The following LINGO2 variants were observed in gnomAD, a reference collection of about 807,000 sequenced individuals.
The protein encoded by LINGO2 is leucine-rich repeat and immunoglobulin-like domain-containing nogo receptor-interacting protein 2.
LINGO2 carries 14 observed loss-of-function variants against 30.6 expected under a neutral mutation model. The ratio of observed to expected loss-of-function variants is 0.46; its 90% CI spans 0.30 to 0.72. The LOEUF (loss-of-function observed/expected upper bound fraction) is 0.72. Among genes scored for constraint, LINGO2 ranks in the 30% least tolerant of loss-of-function variants. LINGO2 has a pLI of 0.07. For synonymous variants in LINGO2, 317 were observed against 288.5 expected, an observed-to-expected ratio of 1.10 and a Z score of -1.00; for missense variants, 729 against 751.7, an observed-to-expected ratio of 0.97 and a Z score of 0.35.
At chr9:28,656,605 A>G (rs1038360845) in intron 1 of LINGO2, among the ~76,000 whole-genome samples, 2 of 152,146 alleles carry the variant, frequency 1.3e-5, no homozygotes, top group African/African-American at 4.8e-5. Context: ...ATCTTGCATG[A>G]TAAAGAGAGA....
At chr9:29,017,452 T>C in the LINGO2 span, among the ~76,000 whole-genome samples, 7 of 152,040 alleles carry the variant, frequency 4.6e-5, no homozygotes, top group African/African-American at 1.7e-4. Context: ...TGCAAAGAAG[T>C]GTTGTGACAT....
At chr9:29,079,645 C>A in the LINGO2 span, among the ~76,000 whole-genome samples, 2 of 151,852 alleles carry the variant, frequency 1.3e-5, no homozygotes, top group African/African-American at 4.8e-5. Context: ...GAAATCCTTG[C>A]CTTTATCTTA....
At chr9:29,190,700 TA>T in the LINGO2 span, among the ~76,000 whole-genome samples, 2 of 152,162 alleles carry the variant, frequency 1.3e-5, no homozygotes, top group African/African-American at 4.8e-5. Flanking sequence ...ACCATAACCT[TA>T]AAAGTTGTTT....
intron 1 of LINGO2, among the ~76,000 whole-genome samples, chr9:28,646,643 A>G (rs566779469): frequency 1.3e-5 from 2 of 152,170 alleles, no homozygotes; most frequent in South Asian, 2.1e-4. Context: ...AACACTGTTG[A>G]AGGGAGAAGA....
At position 28,436,255 on chromosome 9, in the gene LINGO2, C is replaced by A. The variant is rs754573294; in HGVS notation, c.-279+39685G>T. Among the ~76,000 whole-genome samples the A allele has an allele frequency of 7.2e-4, 109 of 151,996 alleles. 1 individual carries two copies. Among genetic ancestry groups the A allele is most frequent in the Admixed American group, 2.6e-4 (4 of 15,268 alleles). On this transcript the variant is annotated intron_variant, in intron 2 of 5. Transcript: ENST00000379992. ...AAAAATAATTTTGAGATCCTAAGAA[C>A]ATAAAATCTTAATGGAAGATTAGTT...
chr9:28,868,223 T>G, the LINGO2 span, among the ~76,000 whole-genome samples: 1 of 152,146 alleles, frequency 6.6e-6, no homozygotes, highest in East Asian at 1.9e-4. Flanking sequence ...TATGCCTTTC[T>G]GTGAATAAGT....
chr9:28,792,618 C>G, the LINGO2 span, among the ~76,000 whole-genome samples: 2 of 152,052 alleles, frequency 1.3e-5, no homozygotes, highest in African/African-American at 4.8e-5. Context: ...GCAAATTTCC[C>G]TATCATGAAA....
At chr9:28,132,366 A>G (rs1439936179) in intron 4 of LINGO2, among the ~76,000 whole-genome samples, 1 of 151,932 alleles carries the variant, frequency 6.6e-6, no homozygotes, top group Non-Finnish European at 1.5e-5. Flanking sequence ...ATGTCTAGAT[A>G]AAAACCTTTT....
the LINGO2 span, among the ~76,000 whole-genome samples, chr9:28,984,080 C>A: frequency 6.6e-6 from 1 of 152,012 alleles, no homozygotes; most frequent in Non-Finnish European, 1.5e-5. Context: ...ATAATCCCTT[C>A]TTCACTCTCT....
intron 1 of LINGO2, among the ~76,000 whole-genome samples, chr9:28,590,636 A>T (rs1417472399): frequency 6.6e-6 from 1 of 152,100 alleles, no homozygotes; most frequent in Admixed American, 6.5e-5. Flanking sequence ...CAGAATGGCG[A>T]TCATTAAAAA....
the LINGO2 span, among the ~76,000 whole-genome samples, chr9:28,745,011 C>G: frequency 6.6e-6 from 1 of 151,954 alleles, no homozygotes; most frequent in Non-Finnish European, 1.5e-5. Flanking sequence ...CAAGGTTATG[C>G]TTAGGCACCC....
At chr9:29,031,776 C>CT in the LINGO2 span, among the ~76,000 whole-genome samples, 2 of 152,092 alleles carry the variant, frequency 1.3e-5, no homozygotes, top group African/African-American at 4.8e-5. Context: ...GTATGAAACT[C>CT]TAAGTGATAA....
At position 28,189,564 on chromosome 9, in the gene LINGO2, GAA is replaced by G. The variant is rs1587177925; in HGVS notation, c.-87+105642_-87+105643del. On this transcript the variant is annotated intron_variant, in intron 4 of 5. Coordinates refer to ENST00000379992, the Ensembl canonical transcript of LINGO2. ...GGGAGGGAGGAAGGAAGGAAGGGAG[GAA>G]GGAAGGAAGGAAGGGAGGGAGGAAG... 1.8e-4 allele frequency among the ~76,000 whole-genome samples: 8 copies of G among 44,180 alleles called. 2 individuals carry two copies. The highest frequency in any genetic ancestry group is 3.7e-4 in the Admixed American group (2 of 5,420). 29.0% of individuals were successfully genotyped at this position (44,180 alleles called of 152,430 possible). A position where few individuals can be genotyped will look rare whatever the true frequency, so the allele number is the denominator to read the frequency against.
chr9:28,431,096 T>C (rs1418212277), intron 2 of LINGO2, among the ~76,000 whole-genome samples: 2 of 143,950 alleles, frequency 1.4e-5, no homozygotes, highest in African/African-American at 5.2e-5. Flanking sequence ...ACAACAGTCT[T>C]TCTTAATAAC....
chr9:29,113,133 C>T, the LINGO2 span, among the ~76,000 whole-genome samples: 1 of 152,140 alleles, frequency 6.6e-6, no homozygotes, highest in Non-Finnish European at 1.5e-5. Context: ...CATGAATAAA[C>T]CATGCATGGA....
intron 1 of LINGO2, among the ~76,000 whole-genome samples, chr9:28,561,766 TATATATATATATATAA>T (rs1823091985): frequency 7.3e-6 from 1 of 137,354 alleles, no homozygotes; most frequent in Non-Finnish European, 1.6e-5. Flanking sequence ...TATATATATA[TATATATATATATATAA>T]AAAATATGCT....
At chr9:28,856,846 T>C in the LINGO2 span, among the ~76,000 whole-genome samples, 1 of 152,014 alleles carries the variant, frequency 6.6e-6, no homozygotes, top group African/African-American at 2.4e-5. Context: ...GATATTAGTC[T>C]GGCTAAACTG....
chr9:28,453,915 G>T (rs996912515), intron 2 of LINGO2, among the ~76,000 whole-genome samples: 1 of 151,920 alleles, frequency 6.6e-6, no homozygotes, highest in Non-Finnish European at 1.5e-5. Context: ...TATTGCATAT[G>T]AATACTGACC....
chr9:28,146,562 C>A (rs966883957), intron 4 of LINGO2, among the ~76,000 whole-genome samples: 20 of 149,394 alleles, frequency 1.3e-4, no homozygotes, highest in African/African-American at 4.0e-4. Context: ...TGGTAAAAAT[C>A]TTTTTTTTTT....
Sources: gnomAD v4.1 joint callset for allele counts (sites outside exome capture counted in the v4.1 genomes callset) on GRCh38, gnomAD v4.1.1 for gene constraint, MANE v1.5 for transcripts, NCBI Gene and HGNC (gene_info 2026-07-23, HGNC 2026-07-21) for gene names.